CCDC171: variants seen among roughly 807,000 people sequenced by gnomAD.
CCDC171 encodes the protein coiled-coil domain containing 171.
In CCDC171, 177 loss-of-function variants were observed where a neutral mutation model predicts 168.2. The ratio of observed to expected loss-of-function variants is 1.05; its 90% CI spans 0.93 to 1.19. The LOEUF is 1.19. Among genes scored for constraint, CCDC171 ranks in the 50% most tolerant of loss-of-function variants. The pLI is 0.00. For synonymous variants in CCDC171, 687 were observed against 540.8 expected (o/e 1.27, Z -3.75); for missense variants, 1,991 against 1,539.0 (o/e 1.29, Z -4.91).
chr9:16,089,961 C>G, the CCDC171 span, among the ~76,000 whole-genome samples: 1 of 152,146 alleles, frequency 6.6e-6, no homozygotes, highest in African/African-American at 2.4e-5. Flanking sequence ...AAAGCTTTGA[C>G]ACTGTTGATG....
chr9:15,643,068 A>T (rs960522175), intron 7 of CCDC171, among the ~76,000 whole-genome samples: 26 of 151,480 alleles, frequency 1.7e-4, no homozygotes, highest in African/African-American at 2.4e-4. Flanking sequence ...CTTTTTTTTT[A>T]AAAAAATTTA....
At chr9:15,567,911 C>T (rs2039881538) in intron 2 of CCDC171, among the ~76,000 whole-genome samples, 1 of 152,118 alleles carries the variant, frequency 6.6e-6, no homozygotes, top group African/African-American at 2.4e-5. Flanking sequence ...GCCTTGGCTT[C>T]CCAAAGTGCT....
chr9:15,806,740 G>A (rs1465174979), intron 21 of CCDC171, among the ~76,000 whole-genome samples: 1 of 151,782 alleles, frequency 6.6e-6, no homozygotes, highest in African/African-American at 2.4e-5. Context: ...GGGGTTCTCT[G>A]TATTTCTTGA....
chr9:15,915,931 T>G (rs1423595032), intron 24 of CCDC171, among the ~76,000 whole-genome samples: 1 of 152,178 alleles, frequency 6.6e-6, no homozygotes, highest in Admixed American at 6.5e-5. Flanking sequence ...TTTACATATA[T>G]TGAACCATCC....
chr9:15,803,431 T>C (rs1360964384), intron 21 of CCDC171, among the ~76,000 whole-genome samples: 1 of 152,072 alleles, frequency 6.6e-6, no homozygotes, highest in East Asian at 1.9e-4. Flanking sequence ...CTTGAGTTGA[T>C]TTTTGTATAT....
chr9:15,975,875 A>G (rs1478039305), downstream of CCDC171, among the ~76,000 whole-genome samples: 1 of 152,186 alleles, frequency 6.6e-6, no homozygotes, highest in Non-Finnish European at 1.5e-5. Flanking sequence ...TGATTAAGTT[A>G]AGGATCTTGA....
downstream of CCDC171, among the ~76,000 whole-genome samples, chr9:16,064,707 T>A (rs1833973307): frequency 6.6e-6 from 1 of 152,210 alleles, no homozygotes; most frequent in Non-Finnish European, 1.5e-5. Flanking sequence ...CCTCTTATCA[T>A]CTTAGCAGAG....
chr9:15,650,173 C>G (rs928497141), intron 7 of CCDC171, among the ~76,000 whole-genome samples: 1 of 152,156 alleles, frequency 6.6e-6, no homozygotes, highest in African/African-American at 2.4e-5. Context: ...ACCGCATGTT[C>G]TCACTCATAG....
At chr9:16,015,116 TA>T (rs376318335) in intron 3 of CCDC171, among the ~76,000 whole-genome samples, 170 of 151,542 alleles carry the variant, frequency 1.1e-3, no homozygotes, top group African/African-American at 3.6e-3. Flanking sequence ...TAAAGTCTAA[TA>T]AAAAAAAATC....
intron 11 of CCDC171, among the ~76,000 whole-genome samples, chr9:15,710,247 A>G (rs1258741845): frequency 6.6e-6 from 1 of 152,072 alleles, no homozygotes; most frequent in Non-Finnish European, 1.5e-5. Flanking sequence ...GAAGGTCTAG[A>G]TATTATGGTT....
At chr9:15,624,193 A>G (rs2044830940) in intron 7 of CCDC171, among the ~76,000 whole-genome samples, 2 of 152,156 alleles carry the variant, frequency 1.3e-5, no homozygotes, top group African/African-American at 2.4e-5. Context: ...GTGATTCCTA[A>G]TATTTTTAGA....
intron 4 of CCDC171, among the ~76,000 whole-genome samples, chr9:15,581,399 C>A (rs549628934): frequency 6.6e-6 from 1 of 152,126 alleles, no homozygotes; most frequent in Non-Finnish European, 1.5e-5. Context: ...CAAGCTACCA[C>A]TGGCTTTCTT....
intron 9 of CCDC171, among the ~76,000 whole-genome samples, chr9:15,677,317 CT>C (rs1446314497): frequency 6.6e-6 from 1 of 152,034 alleles, no homozygotes; most frequent in African/African-American, 2.4e-5. Flanking sequence ...ATTCAAGCTA[CT>C]CTGCCTTGGA....
intron 10 of CCDC171, among the ~76,000 whole-genome samples, chr9:15,688,508 A>C (rs893351905): frequency 5.3e-5 from 8 of 152,194 alleles, no homozygotes; most frequent in Non-Finnish European, 1.2e-4. Flanking sequence ...AGATATAAAA[A>C]AGATATTACA....
At chr9:16,015,789 A>G (rs1014555243) in intron 3 of CCDC171, among the ~76,000 whole-genome samples, 2 of 152,148 alleles carry the variant, frequency 1.3e-5, no homozygotes, top group Admixed American at 1.3e-4. Flanking sequence ...CCCTCTTCTC[A>G]TCTCTTACAA....
intron 23 of CCDC171, among the ~76,000 whole-genome samples, chr9:15,860,739 G>C (rs1194407911): frequency 1.3e-5 from 2 of 151,838 alleles, no homozygotes; most frequent in Non-Finnish European, 2.9e-5. Flanking sequence ...CTGTATACTG[G>C]AACGGTCTAC....
chr9:15,962,374 TTGTC>T (rs1830429193), intron 25 of CCDC171, among the ~76,000 whole-genome samples: 1 of 152,178 alleles, frequency 6.6e-6, no homozygotes, highest in Admixed American at 6.5e-5. Context: ...TTTCTAATTT[TTGTC>T]TGTTATTATT....
intron 20 of CCDC171, among the ~76,000 whole-genome samples, chr9:15,779,516 C>G (rs1207267009): frequency 6.6e-6 from 1 of 152,040 alleles, no homozygotes; most frequent in African/African-American, 2.4e-5. Flanking sequence ...GCTGCCACCA[C>G]GCCTGGCTAA....
At chr9:15,846,911 C>G in intron 22 of CCDC171, 64 bp downstream of exon 22, 1 of 1,450,422 alleles carries the variant, frequency 6.9e-7, no homozygotes, top group South Asian at 1.3e-5. Context: ...TACTTTCATG[C>G]TCCGGGTTTT....
Sources: allele counts gnomAD v4.1 joint callset (sites outside exome capture counted in the v4.1 genomes callset), GRCh38; gene constraint gnomAD v4.1.1; transcripts MANE v1.5; gene names NCBI Gene and HGNC (gene_info 2026-07-23, HGNC 2026-07-21).